CSMD1: variants seen among roughly 807,000 people sequenced by gnomAD.
CSMD1 encodes the protein CUB and Sushi multiple domains 1.
A neutral mutation model predicts 417.5 loss-of-function variants in CSMD1; 213 were observed. The ratio of observed to expected loss-of-function variants is 0.51; its 90% CI spans 0.46 to 0.57. CSMD1 has a LOEUF of 0.57. Ranked by LOEUF, CSMD1 falls within the 20% of genes least tolerant of loss-of-function variation. The pLI is 0.00. For synonymous variants in CSMD1, 2,862 were observed against 1,736.8 expected (o/e 1.65, Z -16.11); for missense variants, 6,923 against 4,529.7 (o/e 1.53, Z -15.17).
chr8:4,980,567 G>A (rs7833750), intron 1 of CSMD1, among the ~76,000 whole-genome samples: 15,604 of 152,230 alleles, frequency 0.1, 1,080 homozygotes, highest in East Asian at 0.3. Context: ...AAAAATAAAT[G>A]AGAGACTTGA....
At position 4,151,958 on chromosome 8, in the gene CSMD1, T is replaced by G. The variant is rs1212245988; in HGVS notation, c.416-119859A>C. Among the ~76,000 whole-genome samples, 3 of 152,178 alleles carry G rather than the reference T, an allele frequency of 2.0e-5. No individual in the cohort carries two copies. The East Asian group carries it at 5.8e-4, about 29-fold the overall frequency. ...GCCTGCATAAAATCAATGGGAGGTG[T>G]AAGCAGTTACAATCCTTCCTGCTTG... On this transcript the variant is annotated intron_variant, in intron 3 of 69. Transcript: ENST00000635120.
chr8:3,563,227 G>T (rs1478713985), intron 10 of CSMD1, among the ~76,000 whole-genome samples: 1 of 151,622 alleles, frequency 6.6e-6, no homozygotes, highest in Non-Finnish European at 1.5e-5. Flanking sequence ...TCCTTCTAAA[G>T]TGACATCTCC....
chr8:3,488,227 T>A (rs1818171344), intron 11 of CSMD1, among the ~76,000 whole-genome samples: 1 of 151,984 alleles, frequency 6.6e-6, no homozygotes. Flanking sequence ...CTTAGCCTCC[T>A]GAGTAGCTGG....
At chr8:4,904,463 C>T (rs1411531038) in intron 1 of CSMD1, among the ~76,000 whole-genome samples, 1 of 152,128 alleles carries the variant, frequency 6.6e-6, no homozygotes, top group Admixed American at 6.5e-5. Flanking sequence ...GAGACATGTT[C>T]AAAGTCAAAC....
At chr8:4,269,595 A>G (rs1028388514) in intron 3 of CSMD1, among the ~76,000 whole-genome samples, 1 of 152,160 alleles carries the variant, frequency 6.6e-6, no homozygotes, top group Non-Finnish European at 1.5e-5. Flanking sequence ...CATCCTTCAC[A>G]TACAGTTTAA....
chr8:3,793,931 CT>C (rs1257947302), intron 5 of CSMD1, among the ~76,000 whole-genome samples: 1 of 152,154 alleles, frequency 6.6e-6, no homozygotes, highest in Admixed American at 6.5e-5. Flanking sequence ...TCTTGATACT[CT>C]CCCCCAGAGC....
intron 2 of CSMD1, among the ~76,000 whole-genome samples, chr8:4,484,998 AAAAAAAAAAAAAAAAAAAAAAAG>A (rs1563222466): frequency 2.2e-5 from 3 of 136,432 alleles, no homozygotes; most frequent in Non-Finnish European, 4.5e-5. Flanking sequence ...AAAAAAAAAA[AAAAAAAAAAAAAAAAAAAAAAAG>A]AAAGAGTCAC....
Position 3,294,845 on chromosome 8 carries a change from C to T in CSMD1, c.3951-10499G>A, listed in dbSNP as rs539737147. Among the ~76,000 whole-genome samples the T allele has an allele frequency of 1.9e-3, 288 of 152,134 alleles. 1 individual carries two copies. Among genetic ancestry groups the T allele is most frequent in the Non-Finnish European group, 2.8e-3 (189 of 68,006 alleles). ...CACCCATTGTCCTGCACCCACTTTC[C>T]GACACTCCCCAGTGAGATGTACCCG... On this transcript the variant is annotated intron_variant, in intron 25 of 69. Transcript: ENST00000635120.
intron 5 of CSMD1, among the ~76,000 whole-genome samples, chr8:3,881,676 A>T (rs772369394): frequency 1.2e-4 from 19 of 152,014 alleles, no homozygotes; most frequent in Admixed American, 5.9e-4. Flanking sequence ...AAGAAAACAA[A>T]AAAAAACAAT....
chr8:4,571,111 G>A (rs1337616075), intron 2 of CSMD1, among the ~76,000 whole-genome samples: 1 of 151,902 alleles, frequency 6.6e-6, no homozygotes, highest in Non-Finnish European at 1.5e-5. Context: ...ATTCACTGAG[G>A]TTTTGAAGGG....
At position 3,411,941 on chromosome 8, in the gene CSMD1, TGC is replaced by T. The variant is rs1491126717; in HGVS notation, c.1562-2338_1562-2337del. Among the ~76,000 whole-genome samples the T allele has an allele frequency of 2.2e-4, 11 of 50,446 alleles. 2 individuals are homozygous for T. Among genetic ancestry groups the T allele is most frequent in the African/African-American group, 6.4e-4 (10 of 15,614 alleles). 33.1% of individuals were successfully genotyped at this position (50,446 alleles called of 152,430 possible). A position where few individuals can be genotyped will look rare whatever the true frequency, so the allele number is the denominator to read the frequency against. Reference sequence around the variant, plus strand: ...ATGCACGTATATATACACGTATATATGCACGTATATATACACGTATATATGCA... The same window carrying T: ...ATGCACGTATATATACACGTATATATACGTATATATACACGTATATATGCA... On this transcript the variant is annotated intron_variant, in intron 12 of 69. Coordinates refer to ENST00000635120, the MANE Select transcript of CSMD1 (RefSeq NM_033225.6).
intron 2 of CSMD1, among the ~76,000 whole-genome samples, chr8:4,461,398 G>C (rs551217015): frequency 1.3e-5 from 2 of 150,998 alleles, no homozygotes; most frequent in African/African-American, 4.9e-5. Flanking sequence ...ATAAAGATAG[G>C]TAAAGAAGAT....
At chr8:4,827,385 C>G (rs912153009) in intron 1 of CSMD1, among the ~76,000 whole-genome samples, 1 of 152,116 alleles carries the variant, frequency 6.6e-6, no homozygotes, top group African/African-American at 2.4e-5. Flanking sequence ...CTCGAGTTAC[C>G]TTCCTCGACT....
chr8:3,267,062 ACAAGAAG>A (rs1270766600), intron 26 of CSMD1, among the ~76,000 whole-genome samples: 1 of 152,174 alleles, frequency 6.6e-6, no homozygotes, highest in Non-Finnish European at 1.5e-5. Context: ...ATATTTACAT[ACAAGAAG>A]CAAGAAGCCA....
chr8:4,474,625 G>A (rs541583013), intron 2 of CSMD1, among the ~76,000 whole-genome samples: 2 of 152,198 alleles, frequency 1.3e-5, no homozygotes, highest in East Asian at 1.9e-4. Context: ...CCATTCCTGG[G>A]TGCCCTCAGG....
At chr8:4,304,777 T>G (rs1420308876) in intron 3 of CSMD1, among the ~76,000 whole-genome samples, 2 of 152,148 alleles carry the variant, frequency 1.3e-5, no homozygotes, top group Non-Finnish European at 2.9e-5. Flanking sequence ...TACAATAAAT[T>G]AGTAACTTCA....
chr8:3,389,364 G>T (rs531755651), intron 17 of CSMD1, among the ~76,000 whole-genome samples: 1 of 151,994 alleles, frequency 6.6e-6, no homozygotes, highest in Non-Finnish European at 1.5e-5. Context: ...GAGAACATGC[G>T]GCGTTTGGTT....
At chr8:4,799,428 C>G (rs1337290123) in intron 1 of CSMD1, among the ~76,000 whole-genome samples, 3 of 151,550 alleles carry the variant, frequency 2.0e-5, no homozygotes, top group South Asian at 4.2e-4. Flanking sequence ...AAAACCCCCT[C>G]TCTACTAAAA....
At chr8:4,787,187 G>A in intron 1 of CSMD1, 1 of 424,650 alleles carries the variant, frequency 2.4e-6, no homozygotes, top group South Asian at 2.9e-5. Context: ...CGGAAAGAGT[G>A]GCGCAGGGTC....
Sources: gnomAD v4.1 joint callset for allele counts (sites outside exome capture counted in the v4.1 genomes callset) on GRCh38, gnomAD v4.1.1 for gene constraint, MANE v1.5 for transcripts, NCBI Gene and HGNC (gene_info 2026-07-23, HGNC 2026-07-21) for gene names.